RTN4R: variants seen among roughly 807,000 people sequenced by gnomAD.
RTN4R encodes the protein reticulon-4 receptor.
RTN4R carries 4 observed loss-of-function variants against 27.7 expected under a neutral mutation model. The observed-to-expected ratio is 0.14, with a 90% CI of 0.07 to 0.33. The LOEUF is 0.33. Ranked by LOEUF, RTN4R falls within the 10% of genes least tolerant of loss-of-function variation. RTN4R has a pLI of 1.00. For synonymous variants in RTN4R, 290 were observed against 305.6 expected, an observed-to-expected ratio of 0.95 and a Z score of 0.53; for missense variants, 554 against 671.5, an observed-to-expected ratio of 0.83 and a Z score of 1.93.
chr22:20,260,525 T>C (rs1432411455), intron 1 of RTN4R, among the ~76,000 whole-genome samples: 2 of 152,136 alleles, frequency 1.3e-5, no homozygotes, highest in African/African-American at 4.8e-5. Context: ...CTGCGTGACC[T>C]TGGGCCAGCT....
chr22:20,251,635 T>A (rs62219708), intron 1 of RTN4R, among the ~76,000 whole-genome samples: 1 of 67,020 alleles, frequency 1.5e-5, no homozygotes, highest in East Asian at 4.7e-4. Flanking sequence ...CACCATCATC[T>A]TCATCACCAT....
chr22:20,244,234 G>C (rs2051127118), intron 1 of RTN4R, among the ~76,000 whole-genome samples: 1 of 152,274 alleles, frequency 6.6e-6, no homozygotes, highest in Non-Finnish European at 1.5e-5. Flanking sequence ...CATGAGGCCG[G>C]CTAAGTGCTG....
In RTN4R at chr22:20,265,242, G is replaced by C. The variant is rs566722301; in HGVS notation, c.22+2829C>G. On this transcript the variant is annotated intron_variant, in intron 1 of 1. Transcript: ENST00000043402. The stretch of plus-strand genomic sequence containing the variant: ...TGCACTGTTCCTGGGCAGAGGGAGG[G>C]GGAGAGCACGGTCCCACACACCCTG... Among the ~76,000 whole-genome samples the C allele has an allele frequency of 3.3e-5, 5 of 152,336 alleles. No individual in the cohort carries two copies. The East Asian group carries it at 5.8e-4, about 18-fold the overall frequency.
At chr22:20,256,133 G>A (rs986213348) in intron 1 of RTN4R, among the ~76,000 whole-genome samples, 6 of 152,298 alleles carry the variant, frequency 3.9e-5, no homozygotes, top group East Asian at 3.9e-4. Context: ...CTGATGCGCC[G>A]CCCCACTGCG....
At position 20,243,213 on chromosome 22, in the gene RTN4R, G is replaced by A. The variant is rs951367306; in HGVS notation, c.23-103C>T. 5.8e-6 allele frequency: 7 copies of A among 1,209,510 alleles called. No individual in the cohort carries two copies. The Admixed American group carries it at 1.3e-4, about 22-fold the overall frequency. The allele number at this position is 1,209,510 out of a possible 1,614,324, so 74.9% of individuals were successfully genotyped here. A position where few individuals can be genotyped will look rare whatever the true frequency, so the allele number is the denominator to read the frequency against. On this transcript the variant is annotated intron_variant, in intron 1 of 1. Coordinates refer to ENST00000043402, the MANE Select transcript of RTN4R (RefSeq NM_023004.6). ...GGCCCCGGAGATTGGGTCTCAGGAG[G>A]ACCTGGGGCTGGGTCCAAGATGTGG...
intron 1 of RTN4R, among the ~76,000 whole-genome samples, chr22:20,247,919 T>C (rs1435559633): frequency 6.6e-6 from 1 of 152,178 alleles, no homozygotes; most frequent in Admixed American, 6.5e-5. Context: ...GTGTGCCTAG[T>C]GCTTCCTCAG....
intron 1 of RTN4R, among the ~76,000 whole-genome samples, chr22:20,245,949 C>T (rs1043352889): frequency 2.6e-5 from 4 of 152,230 alleles, no homozygotes; most frequent in Non-Finnish European, 5.9e-5. Flanking sequence ...GTTGGCCCTG[C>T]GGCCACCTGA....
chr22:20,259,204 C>T (rs1602649468), intron 1 of RTN4R, among the ~76,000 whole-genome samples: 1 of 152,200 alleles, frequency 6.6e-6, no homozygotes, highest in African/African-American at 2.4e-5. Context: ...GACCGGCCTC[C>T]GCTCCGGCAG....
intron 1 of RTN4R, among the ~76,000 whole-genome samples, chr22:20,252,070 A>G (rs112747951): frequency 0.012 from 1,715 of 144,176 alleles, 31 homozygotes; most frequent in African/African-American, 0.04. Flanking sequence ...CATCACCATC[A>G]CCATCCTCAT....
rs766296275 is a variant in RTN4R, at chr22:20,242,538, G to A, written c.595C>T (p.Arg199Cys). Residue 199 changes from arginine to cysteine, a missense_variant, in exon 2 of 2, where the codon CGT becomes TGT. Around this residue, in one of 2 missense-constraint regions of RTN4R, gnomAD observed 413 missense variants for 542.3 expected, o/e 0.76. Coordinates refer to ENST00000043402, the MANE Select transcript of RTN4R (RefSeq NM_023004.6). ...RISSVPERAFRGLHSLDRLLL... is the reference protein window; with the variant it reads ...RISSVPERAFCGLHSLDRLLL... ...AGACGGTCGAGGCTGTGCAGCCCAC[G>A]GAAGGCGCGCTCGGGCACGCTGGAG... The A allele has an allele frequency of 1.2e-5, 19 of 1,613,508 alleles. No individual in the cohort carries two copies. The highest frequency in any genetic ancestry group is 5.3e-5 in the African/African-American group (4 of 74,952).
At chr22:20,245,962 C>T (rs902321523) in intron 1 of RTN4R, among the ~76,000 whole-genome samples, 2 of 152,256 alleles carry the variant, frequency 1.3e-5, no homozygotes, top group African/African-American at 4.8e-5. Context: ...CCACCTGAGC[C>T]TGCGAGGGCC....
chr22:20,244,567 G>A (rs962572137), intron 1 of RTN4R, among the ~76,000 whole-genome samples: 5 of 152,222 alleles, frequency 3.3e-5, no homozygotes, highest in East Asian at 1.9e-4. Context: ...ATGGGGGTCC[G>A]GAGGCCCCTC....
At chr22:20,265,062 G>A (rs1428399897) in intron 1 of RTN4R, among the ~76,000 whole-genome samples, 1 of 152,188 alleles carries the variant, frequency 6.6e-6, no homozygotes, top group Non-Finnish European at 1.5e-5. Flanking sequence ...CGGGCCACAG[G>A]CCCAGGACAG....
chr22:20,267,683 CG>C (rs1420276150), intron 1 of RTN4R: 14 of 460,534 alleles, frequency 3.0e-5, no homozygotes, highest in African/African-American at 2.9e-4. Flanking sequence ...CACCCACCCT[CG>C]GTACCCACGT....
chr22:20,266,039 C>T (rs1418303991), intron 1 of RTN4R, among the ~76,000 whole-genome samples: 1 of 152,222 alleles, frequency 6.6e-6, no homozygotes, highest in Non-Finnish European at 1.5e-5. Context: ...GCCCCTCTGC[C>T]AGGTGGCGTC....
intron 1 of RTN4R, among the ~76,000 whole-genome samples, chr22:20,244,265 G>A (rs1327745384): frequency 6.6e-6 from 1 of 152,252 alleles, no homozygotes; most frequent in Non-Finnish European, 1.5e-5. Context: ...CGGGCAGGAG[G>A]AAGGAGTGGA....
intron 1 of RTN4R, among the ~76,000 whole-genome samples, chr22:20,254,463 T>C (rs530410135): frequency 1.3e-5 from 2 of 148,534 alleles, no homozygotes; most frequent in South Asian, 2.2e-4. Flanking sequence ...CACTATGGTA[T>C]TGGCCTCCTT....
intron 1 of RTN4R, among the ~76,000 whole-genome samples, chr22:20,250,977 G>A (rs1468566784): frequency 6.6e-6 from 1 of 152,228 alleles, no homozygotes; most frequent in Non-Finnish European, 1.5e-5. Context: ...TGGCACTTCA[G>A]AGGAGACAAA....
intron 1 of RTN4R, among the ~76,000 whole-genome samples, chr22:20,253,258 T>G (rs1402737078): frequency 6.6e-6 from 1 of 152,206 alleles, no homozygotes; most frequent in African/African-American, 2.4e-5. Flanking sequence ...AAAGAAGGCT[T>G]GAGGACAGGC....
Sources: gnomAD v4.1 joint callset for allele counts (sites outside exome capture counted in the v4.1 genomes callset) on GRCh38, gnomAD v4.1.1 for gene constraint, gnomAD v4.1.1 regional missense constraint, MANE v1.5 for transcripts, NCBI Gene and HGNC (gene_info 2026-07-23, HGNC 2026-07-21) for gene names.